Variants in DSG2 observed in about 807,000 individuals in gnomAD.
DSG2 encodes the protein desmoglein 2, also known as desmoglein-2.
Under a neutral mutation model 75.6 loss-of-function variants are expected in DSG2, and 45 were observed. The observed-to-expected ratio is 0.60, with a 90% CI of 0.47 to 0.76. The LOEUF (loss-of-function observed/expected upper bound fraction) is 0.76. DSG2 is among the 30% of genes least tolerant of loss of function. The pLI is 0.00. For missense variants in DSG2, 1,267 were observed against 1,357.4 expected (o/e 0.93, Z 1.05); for synonymous variants, 429 against 483.9 (o/e 0.89, Z 1.49).
chr18:31,542,465 T>G, intron 13 of DSG2, 55 bp from the exon 14 acceptor site: 1 of 1,584,108 alleles, frequency 6.3e-7, no homozygotes, highest in Non-Finnish European at 8.7e-7. Flanking sequence ...CTACCAAGGA[T>G]GAAGGATTCC....
In DSG2 at chr18:31,536,221, C is replaced by G. The variant is rs2144341341; in HGVS notation, c.1443C>G (p.Ile481Met). 6.2e-7 allele frequency: 1 copy of G among 1,614,170 alleles called. No individual in the cohort carries two copies. The highest frequency in any genetic ancestry group is 2.2e-5 in the East Asian group (1 of 44,868). Residue 481 changes from isoleucine to methionine, a missense_variant, in exon 11 of 15, where the codon ATC (isoleucine) becomes ATG (methionine). Physicochemically the swap from Ile to Met is conservative, Grantham distance 10. Coordinates refer to ENST00000261590, the MANE Select transcript of DSG2 (RefSeq NM_001943.5). ...TTTAAGATTATCCTAGAAAAACCAT[C>G]ACTGGCACAGTCCTTATCAATGTTG... The part of the protein sequence containing the change: ...AISEDYPRKT[I>M]TGTVLINVED...
intron 1 of DSG2, among the ~76,000 whole-genome samples, chr18:31,514,265 G>T (rs550004909): frequency 6.6e-6 from 1 of 152,148 alleles, no homozygotes; most frequent in Admixed American, 6.5e-5. Context: ...TACTATCTTT[G>T]CAACATTTCT....
intron 1 of DSG2, among the ~76,000 whole-genome samples, chr18:31,514,983 CG>C (rs2073086188): frequency 6.6e-6 from 1 of 152,040 alleles, no homozygotes; most frequent in African/African-American, 2.4e-5. Flanking sequence ...TTGCTAGGGC[CG>C]GTAAGATTGT....
intron 6 of DSG2, 151 bp downstream of exon 6, chr18:31,522,400 A>C: frequency 5.4e-6 from 4 of 743,136 alleles, no homozygotes; most frequent in Non-Finnish European, 8.7e-6. Flanking sequence ...TGTGCTGTCC[A>C]ATATGGGCCA....
chr18:31,529,344 A>C (rs995242051), intron 8 of DSG2, among the ~76,000 whole-genome samples: 2 of 152,078 alleles, frequency 1.3e-5, no homozygotes, highest in Non-Finnish European at 2.9e-5. Flanking sequence ...TTATTTTTTC[A>C]TGGTCTTGGC....
chr18:31,517,361 A>T (rs538423516), intron 1 of DSG2, among the ~76,000 whole-genome samples: 3 of 152,206 alleles, frequency 2.0e-5, no homozygotes, highest in Non-Finnish European at 4.4e-5. Context: ...AAATAAGTAC[A>T]CTAGTTCGAT....
At chr18:31,530,863 T>C (rs2073192149) in intron 8 of DSG2, 124 bp from the exon 9 acceptor site, 13 of 919,782 alleles carry the variant, frequency 1.4e-5, no homozygotes, top group Non-Finnish European at 2.2e-5. Flanking sequence ...GACTATTCAG[T>C]GCTGCTATAT....
chr18:31,540,886 C>T (rs1010776278), intron 12 of DSG2, among the ~76,000 whole-genome samples: 2 of 151,940 alleles, frequency 1.3e-5, no homozygotes. Context: ...AATCTTTAAG[C>T]TGGTTTTGAT....
intron 9 of DSG2, among the ~76,000 whole-genome samples, chr18:31,534,671 C>A (rs373236698): frequency 6.6e-6 from 1 of 151,872 alleles, no homozygotes. Flanking sequence ...CCACCATGCC[C>A]GGCATTTTTT....
At chr18:31,541,405 T>A in intron 13 of DSG2, 91 bp downstream of exon 13, 1 of 1,455,816 alleles carries the variant, frequency 6.9e-7, no homozygotes, top group Non-Finnish European at 9.5e-7. Context: ...GTTGAGTGAG[T>A]AAAGTGATCA....
Position 31,507,865 on chromosome 18 carries a change from A to AT in DSG2, c.45+9571dup, listed in dbSNP as rs2073047072. Among the ~76,000 whole-genome samples, 5 of 152,222 alleles carry AT rather than the reference A, an allele frequency of 3.3e-5. No individual in the cohort carries two copies. The South Asian group carries it at 1.0e-3, about 32-fold the overall frequency. On this transcript the variant is annotated intron_variant, in intron 1 of 14. Coordinates refer to ENST00000261590, the MANE Select transcript of DSG2 (RefSeq NM_001943.5). ...GGATAGATTGCAAAAATTTTCTCCC[A>AT]TTCTGTAGGTTGCCTGTTCACTCTG...
In DSG2 at chr18:31,519,812, A is replaced by T. The variant is rs545094697; in HGVS notation, c.91A>T (p.Thr31Ser). ...TATTCTATTGTTATAGGTCTTAAGC[A>T]CAAGAAATGAAAATAAGCTGCTTCC... ...GSGLHLQVLS[T>S]RNENKLLPKH... is the part of the protein sequence containing the mutation. The change falls in exon 3 of 15, where the codon ACA becomes TCA. Residue 31 changes from threonine (T) to serine (S), a missense_variant. Physicochemically the swap from Thr to Ser is moderately conservative, Grantham distance 58 (BLOSUM62 1). Transcript: ENST00000261590. 1.2e-6 allele frequency: 2 copies of T among 1,614,214 alleles called. No homozygotes were observed. Among genetic ancestry groups the T allele is most frequent in the South Asian group, 1.1e-5 (1 of 91,076 alleles).
At chr18:31,528,041 CA>C (rs1427817449) in intron 8 of DSG2, among the ~76,000 whole-genome samples, 2 of 152,092 alleles carry the variant, frequency 1.3e-5, no homozygotes, top group African/African-American at 4.8e-5. Context: ...AACATTCAGA[CA>C]ATAGCAATCA....
intron 1 of DSG2, among the ~76,000 whole-genome samples, chr18:31,505,656 CTTT>C (rs558578470): frequency 7.3e-6 from 1 of 136,080 alleles, no homozygotes; most frequent in Admixed American, 7.4e-5. Context: ...ATTTTTTTTT[CTTT>C]TTTTTTTTTT....
rs535150325 is a variant in DSG2, at chr18:31,501,785, T to C, written c.45+3489T>C. Among the ~76,000 whole-genome samples the C allele has an allele frequency of 6.6e-5, 10 of 152,336 alleles. No homozygotes were observed. In the East Asian group the frequency reaches 1.5e-3, roughly 23 times the overall value. On this transcript the variant is annotated intron_variant, in intron 1 of 14. Transcript: ENST00000261590. ...CTTGGTTAAATCTGCAGAGACCCTA[T>C]TTCCAAATAAGCTCACATTCTGAGG...
intron 1 of DSG2, among the ~76,000 whole-genome samples, chr18:31,499,599 G>A (rs1265370218): frequency 6.6e-6 from 1 of 152,120 alleles, no homozygotes; most frequent in Non-Finnish European, 1.5e-5. Context: ...CTGGGACGTC[G>A]TTTTTAGCCT....
In DSG2 at chr18:31,547,351, G is replaced by GTA. The variant is rs1346692449; in HGVS notation, c.*609_*610insAT. On this transcript the variant is annotated 3_prime_UTR_variant, in exon 15 of 15. Coordinates refer to ENST00000261590, the MANE Select transcript of DSG2 (RefSeq NM_001943.5). ...TTTCTGTGCACATGACAGTGTGTGT[G>GTA]TGTGCACGTACATACTGTATAGTCT... The GTA allele has an allele frequency of 5.5e-6, 1 of 182,294 alleles. No individual in the cohort carries two copies. Among genetic ancestry groups the GTA allele is most frequent in the African/African-American group, 2.4e-5 (1 of 41,974 alleles). 11.3% of individuals were successfully genotyped at this position (182,294 alleles called of 1,614,324 possible).
intron 8 of DSG2, among the ~76,000 whole-genome samples, chr18:31,526,707 G>A (rs1032594806): frequency 2.0e-5 from 3 of 152,140 alleles, no homozygotes; most frequent in Non-Finnish European, 4.4e-5. Context: ...GAATTGTCAT[G>A]TGCCACATAC....
chr18:31,513,361 T>C (rs2073077072), intron 1 of DSG2, among the ~76,000 whole-genome samples: 2 of 152,318 alleles, frequency 1.3e-5, no homozygotes, highest in Middle Eastern at 3.4e-3. Context: ...AGGAAGGTTA[T>C]GCATGTGCTT....
Sources: allele counts gnomAD v4.1 joint callset (sites outside exome capture counted in the v4.1 genomes callset), GRCh38; gene constraint gnomAD v4.1.1; transcripts MANE v1.5; gene names NCBI Gene and HGNC (gene_info 2026-07-23, HGNC 2026-07-21).